The following SCMH1 variants were observed in gnomAD, a reference collection of about 807,000 sequenced individuals.
The protein encoded by SCMH1 is Scm polycomb group protein homolog 1.
In SCMH1, 37 loss-of-function variants were observed where a neutral mutation model predicts 70.8. That is an observed-to-expected ratio of 0.52 (90% CI 0.40 to 0.69). The LOEUF is 0.69. Ranked by LOEUF, SCMH1 falls within the 30% of genes least tolerant of loss-of-function variation. The pLI is 0.00. For missense variants in SCMH1, 607 were observed against 827.3 expected (o/e 0.73, Z 3.27); for synonymous variants, 292 against 307.4 (o/e 0.95, Z 0.52).
At chr1:41,126,903 T>A (rs558132970) in intron 6 of SCMH1, among the ~76,000 whole-genome samples, 1 of 152,290 alleles carries the variant, frequency 6.6e-6, no homozygotes, top group South Asian at 2.1e-4. Context: ...GGTCAACTAA[T>A]AAATGCATAT....
chr1:41,034,162 C>T, intron 13 of SCMH1, 114 bp from the exon 14 acceptor site: 1 of 1,438,740 alleles, frequency 7.0e-7, no homozygotes, highest in Non-Finnish European at 9.3e-7. Context: ...AGCAAGGGAG[C>T]CGAGGCTAGA....
At chr1:41,215,395 C>T (rs1361861596) in intron 1 of SCMH1, among the ~76,000 whole-genome samples, 1 of 152,208 alleles carries the variant, frequency 6.6e-6, no homozygotes, top group African/African-American at 2.4e-5. Flanking sequence ...ATACATAACA[C>T]TTCAAAACCT....
intron 1 of SCMH1, among the ~76,000 whole-genome samples, chr1:41,219,340 T>A (rs189709291): frequency 3.8e-4 from 58 of 152,256 alleles, no homozygotes; most frequent in Middle Eastern, 3.4e-3. Context: ...GTTGTTCCAG[T>A]GAATTGTCAA....
intron 1 of SCMH1, among the ~76,000 whole-genome samples, chr1:41,213,219 A>C (rs939456179): frequency 6.6e-6 from 1 of 152,252 alleles, no homozygotes; most frequent in Admixed American, 6.5e-5. Flanking sequence ...GTCCCAAAGA[A>C]TCAATAGAGA....
intron 5 of SCMH1, among the ~76,000 whole-genome samples, chr1:41,149,650 G>C (rs1192426038): frequency 4.6e-5 from 7 of 152,176 alleles, no homozygotes; most frequent in Non-Finnish European, 8.8e-5. Context: ...GAAGTAGTTT[G>C]ATCTTCTTGA....
chr1:41,178,512 T>C (rs944045550), intron 2 of SCMH1, among the ~76,000 whole-genome samples: 9 of 152,210 alleles, frequency 5.9e-5, no homozygotes, highest in East Asian at 1.9e-4. Flanking sequence ...GAGACACACA[T>C]AGGCTCAAAA....
At chr1:41,039,351 A>C (rs965350303) in intron 12 of SCMH1, among the ~76,000 whole-genome samples, 12 of 152,226 alleles carry the variant, frequency 7.9e-5, no homozygotes, top group African/African-American at 2.4e-4. Flanking sequence ...GCAAGTCATG[A>C]AATCTTATCC....
chr1:41,088,294 A>G (rs941522493), intron 8 of SCMH1, among the ~76,000 whole-genome samples: 3 of 152,196 alleles, frequency 2.0e-5, no homozygotes, highest in African/African-American at 7.2e-5. Context: ...GGTGGAAGGA[A>G]TAAGGTAGAA....
intron 2 of SCMH1, among the ~76,000 whole-genome samples, chr1:41,166,466 C>T (rs1311288074): frequency 6.6e-6 from 1 of 151,968 alleles, no homozygotes; most frequent in African/African-American, 2.4e-5. Context: ...TAATTCTTTC[C>T]ATCCATAAAC....
At chr1:41,116,550 CA>C (rs1670512081) in intron 7 of SCMH1, among the ~76,000 whole-genome samples, 1 of 152,074 alleles carries the variant, frequency 6.6e-6, no homozygotes, top group African/African-American at 2.4e-5. Flanking sequence ...ATATCGTAGG[CA>C]ATAAAAAAAG....
intron 12 of SCMH1, chr1:41,043,857 G>A (rs1295042596): frequency 6.6e-6 from 1 of 151,936 alleles, no homozygotes; most frequent in African/African-American, 2.4e-5. Context: ...CTCTCAAATG[G>A]TTCAGTAAAT....
intron 6 of SCMH1, among the ~76,000 whole-genome samples, chr1:41,120,979 C>T (rs1418007866): frequency 6.6e-6 from 1 of 152,230 alleles, no homozygotes; most frequent in Admixed American, 6.5e-5. Context: ...TGGATCACTA[C>T]TACTATTCTG....
chr1:41,077,468 T>G (rs775053302), intron 8 of SCMH1, among the ~76,000 whole-genome samples: 2 of 152,180 alleles, frequency 1.3e-5, no homozygotes, highest in Non-Finnish European at 2.9e-5. Flanking sequence ...TCCTATAATC[T>G]TGTGGTTTTA....
chr1:41,178,627 A>G (rs1647722438), intron 2 of SCMH1, among the ~76,000 whole-genome samples: 1 of 152,236 alleles, frequency 6.6e-6, no homozygotes, highest in South Asian at 2.1e-4. Context: ...AAAGATCAAA[A>G]GAGACAAAGA....
At chr1:41,100,062 A>G (rs1257973552) in intron 8 of SCMH1, among the ~76,000 whole-genome samples, 1 of 152,160 alleles carries the variant, frequency 6.6e-6, no homozygotes, top group Non-Finnish European at 1.5e-5. Context: ...TACTCTGATT[A>G]TTGATTATAT....
At chr1:41,027,501 GAGA>G (rs1643949298) in exon 15 of SCMH1, 1 of 152,218 alleles carries the variant, frequency 6.6e-6, no homozygotes, top group African/African-American at 2.4e-5. Context: ...GTGAAGAGAG[GAGA>G]AGGTGACAGG....
intron 1 of SCMH1, among the ~76,000 whole-genome samples, chr1:41,241,605 G>T (rs980260747): frequency 6.6e-6 from 1 of 152,130 alleles, no homozygotes; most frequent in Non-Finnish European, 1.5e-5. Context: ...GGAGGGGACC[G>T]ACTGACCCGC....
At chr1:41,234,793 A>C (rs1422303254) in intron 1 of SCMH1, among the ~76,000 whole-genome samples, 1 of 152,112 alleles carries the variant, frequency 6.6e-6, no homozygotes, top group Non-Finnish European at 1.5e-5. Flanking sequence ...CTCTTAAAAA[A>C]ACTTAAACAA....
rs115906273 is a variant in SCMH1, at chr1:41,169,247, G to T, written c.14-7815C>A. On this transcript the variant is annotated intron_variant, in intron 2 of 14. Coordinates refer to ENST00000337495, the Ensembl canonical transcript of SCMH1. The stretch of plus-strand genomic sequence containing the variant: ...AAACTCCTTCCAGGAAGAATGAGTA[G>T]CCTTGGATTTATCACTGAGATTAGC... Among the ~76,000 whole-genome samples the T allele has an allele frequency of 5.0e-3, 754 of 152,296 alleles. 8 individuals carry two copies. The highest frequency in any genetic ancestry group is 0.017 in the African/African-American group (703 of 41,556).
Sources: allele counts gnomAD v4.1 joint callset (sites outside exome capture counted in the v4.1 genomes callset), GRCh38; gene constraint gnomAD v4.1.1; transcripts MANE v1.5; gene names NCBI Gene and HGNC (gene_info 2026-07-23, HGNC 2026-07-21).